RBFOX1: variants seen among roughly 807,000 people sequenced by gnomAD.
RBFOX1 encodes RNA binding fox-1 homolog 1.
In RBFOX1, 8 loss-of-function variants were observed where a neutral mutation model predicts 57.7. The observed-to-expected ratio is 0.14, with a 90% CI of 0.08 to 0.25. The LOEUF is 0.25. RBFOX1 is among the 10% of genes least tolerant of loss of function. The probability of loss-of-function intolerance (pLI) is 1.00; values close to 1 mark genes in which losing one functional copy is unlikely to be tolerated. For synonymous variants in RBFOX1, 326 were observed against 222.4 expected (o/e 1.47, Z -4.15); for missense variants, 611 against 548.5 (o/e 1.11, Z -1.14).
chr16:6,780,536 A>ATACATT (rs2080806708), intron 3 of RBFOX1, among the ~76,000 whole-genome samples: 1 of 126,704 alleles, frequency 7.9e-6, no homozygotes, highest in African/African-American at 3.1e-5. Flanking sequence ...ATATTTATAT[A>ATACATT]TACATTTACA....
chr16:7,190,671 G>C (rs542036770), intron 4 of RBFOX1, among the ~76,000 whole-genome samples: 1 of 152,040 alleles, frequency 6.6e-6, no homozygotes, highest in Non-Finnish European at 1.5e-5. Context: ...CAGAAATTCA[G>C]CTCCCCAGAA....
chr16:6,759,871 G>A (rs558880089), intron 3 of RBFOX1, among the ~76,000 whole-genome samples: 8 of 152,204 alleles, frequency 5.3e-5, no homozygotes, highest in East Asian at 3.9e-4. Context: ...CTATAACAGC[G>A]AACTGATGAA....
chr16:7,378,326 G>C (rs1471762081), intron 4 of RBFOX1, among the ~76,000 whole-genome samples: 1 of 152,162 alleles, frequency 6.6e-6, no homozygotes, highest in Admixed American at 6.5e-5. Context: ...CTATCTTTCA[G>C]GGTCTACGGT....
intron 3 of RBFOX1, among the ~76,000 whole-genome samples, chr16:6,905,935 C>T (rs2069778492): frequency 6.6e-6 from 1 of 152,154 alleles, no homozygotes; most frequent in Non-Finnish European, 1.5e-5. Context: ...TCCTTCTGCC[C>T]TTGTGTTTCC....
intron 2 of RBFOX1, among the ~76,000 whole-genome samples, chr16:6,367,374 G>C (rs1297835608): frequency 6.6e-6 from 1 of 152,122 alleles, no homozygotes; most frequent in Non-Finnish European, 1.5e-5. Context: ...GGGTTCAGGT[G>C]ATTCCCCTGC....
intron 4 of RBFOX1, among the ~76,000 whole-genome samples, chr16:7,058,002 T>TGG (rs372788243): frequency 9.3e-5 from 3 of 32,368 alleles, no homozygotes; most frequent in African/African-American, 2.0e-4. Context: ...AGGGAGACTG[T>TGG]GGGGAAAAAA....
chr16:6,609,950 G>C (rs546052460), intron 2 of RBFOX1, among the ~76,000 whole-genome samples: 1 of 152,062 alleles, frequency 6.6e-6, no homozygotes, highest in African/African-American at 2.4e-5. Flanking sequence ...GGAGGTTGCC[G>C]TGAGCCGAGA....
intron 3 of RBFOX1, among the ~76,000 whole-genome samples, chr16:6,793,872 T>C (rs1207454260): frequency 6.6e-6 from 1 of 152,128 alleles, no homozygotes; most frequent in African/African-American, 2.4e-5. Context: ...GGAAATGAGT[T>C]TTTTTAAAAA....
At chr16:5,527,174 C>G (rs551656033) in intron 2 of RBFOX1, among the ~76,000 whole-genome samples, 77 of 152,318 alleles carry the variant, frequency 5.1e-4, no homozygotes, top group African/African-American at 1.9e-3. Flanking sequence ...TTGAGTGCTC[C>G]TTTCCTCTCC....
intron 3 of RBFOX1, among the ~76,000 whole-genome samples, chr16:6,933,670 A>G (rs557560762): frequency 6.6e-6 from 1 of 152,368 alleles, no homozygotes; most frequent in African/African-American, 2.4e-5. Context: ...TCAAGATCGT[A>G]TGACTGCACA....
At position 5,329,222 on chromosome 16, in the gene RBFOX1, A is replaced by G. The variant is rs551636379; in HGVS notation, c.219+89117A>G. ...TTAAAGAAATACCTGACACTGGGTA[A>G]TTTATTAAGAAAAGAGGTTTAATTG... On this transcript the variant is annotated intron_variant, in intron 1 of 2. Coordinates refer to the RBFOX1 transcript ENST00000585867. Among the ~76,000 whole-genome samples, 4 of 152,298 alleles carry G rather than the reference A, an allele frequency of 2.6e-5. No individual in the cohort carries two copies. In the South Asian group the frequency reaches 6.2e-4, roughly 24 times the overall value.
intron 4 of RBFOX1, among the ~76,000 whole-genome samples, chr16:7,184,369 G>T (rs2083307249): frequency 6.6e-6 from 1 of 152,174 alleles, no homozygotes; most frequent in South Asian, 2.1e-4. Flanking sequence ...ACAGATGCAA[G>T]TGCAAGAGGT....
intron 3 of RBFOX1, among the ~76,000 whole-genome samples, chr16:6,787,545 A>G (rs1401954543): frequency 1.3e-5 from 2 of 152,120 alleles, no homozygotes; most frequent in Non-Finnish European, 2.9e-5. Context: ...AACTGTATTA[A>G]TTTGTGCCAA....
intron 3 of RBFOX1, among the ~76,000 whole-genome samples, chr16:7,040,014 A>ATTG (rs1218198357): frequency 6.6e-6 from 1 of 150,674 alleles, no homozygotes; most frequent in Non-Finnish European, 1.5e-5. Context: ...TATTATTATT[A>ATTG]TTATTATCAT....
intron 3 of RBFOX1, among the ~76,000 whole-genome samples, chr16:5,768,180 G>A (rs959803096): frequency 6.6e-6 from 1 of 152,096 alleles, no homozygotes; most frequent in African/African-American, 2.4e-5. Context: ...AGATATATAG[G>A]ATTTACCTCC....
intron 2 of RBFOX1, among the ~76,000 whole-genome samples, chr16:6,487,555 T>C (rs954600358): frequency 6.6e-6 from 1 of 150,910 alleles, no homozygotes; most frequent in Non-Finnish European, 1.5e-5. Flanking sequence ...CATTTACCGA[T>C]AGTGAAGAAT....
At chr16:5,248,002 G>C (rs920825355) in intron 1 of RBFOX1, among the ~76,000 whole-genome samples, 1 of 152,180 alleles carries the variant, frequency 6.6e-6, no homozygotes, top group Non-Finnish European at 1.5e-5. Context: ...ATGGGGAAGA[G>C]AAAGGAGGGA....
At chr16:6,470,154 C>G (rs962483340) in intron 2 of RBFOX1, among the ~76,000 whole-genome samples, 2 of 152,156 alleles carry the variant, frequency 1.3e-5, no homozygotes, top group Non-Finnish European at 2.9e-5. Context: ...GATACTGCCT[C>G]TAGTTGAAAT....
intron 3 of RBFOX1, among the ~76,000 whole-genome samples, chr16:6,921,565 T>G (rs1355545865): frequency 2.6e-5 from 4 of 151,988 alleles, no homozygotes; most frequent in Non-Finnish European, 5.9e-5. Context: ...TCTCATAACA[T>G]GGCAGCTTGC....
Sources: gnomAD v4.1 joint callset for allele counts (sites outside exome capture counted in the v4.1 genomes callset) on GRCh38, gnomAD v4.1.1 for gene constraint, MANE v1.5 for transcripts, NCBI Gene and HGNC (gene_info 2026-07-23, HGNC 2026-07-21) for gene names.